The following ARHGEF16 variants were observed in gnomAD, a reference collection of about 807,000 sequenced individuals.
ARHGEF16 encodes the protein Rho guanine nucleotide exchange factor 16, also known as Rho guanine exchange factor (GEF) 16.
Under a neutral mutation model 74.1 loss-of-function variants are expected in ARHGEF16, and 59 were observed. That is an observed-to-expected ratio of 0.80 (90% CI 0.65 to 0.99). The LOEUF (loss-of-function observed/expected upper bound fraction) is 0.99. Among genes scored for constraint, ARHGEF16 ranks in the 50% least tolerant of loss-of-function variants. The probability of loss-of-function intolerance (pLI) is 0.00; values close to 1 mark genes in which losing one functional copy is unlikely to be tolerated. For synonymous variants in ARHGEF16, 415 were observed against 412.6 expected, an observed-to-expected ratio of 1.01 and a Z score of -0.07; for missense variants, 948 against 986.6, an observed-to-expected ratio of 0.96 and a Z score of 0.52.
chr1:3,479,997 A>G (rs1640011892), intron 14 of ARHGEF16, 84 bp downstream of exon 14: 3 of 1,374,712 alleles, frequency 2.2e-6, no homozygotes, highest in Non-Finnish European at 3.1e-6. Flanking sequence ...GGTCCAGAGC[A>G]TGCCGGGCTG....
intron 8 of ARHGEF16, chr1:3,474,437 C>A (rs1024499915): frequency 2.3e-6 from 1 of 443,078 alleles, no homozygotes; most frequent in Non-Finnish European, 4.1e-6. Flanking sequence ...TGACGATTCC[C>A]CAAGTTGGAT....
In ARHGEF16 at chr1:3,479,521, G is replaced by C; in HGVS notation, c.1819G>C (p.Asp607His). The change falls in exon 13 of 15, where the codon GAC becomes CAC. Residue 607 changes from aspartate (D) to histidine (H), a missense_variant. Coordinates refer to ENST00000378378, the MANE Select transcript of ARHGEF16 (RefSeq NM_014448.4). ...CATGCTGTCTCTGGTCCCCAGGAGTGACCGGGCACGGTGGATCGTGGCGCT... is the reference window on the plus strand; with the variant it reads ...CATGCTGTCTCTGGTCCCCAGGAGTCACCGGGCACGGTGGATCGTGGCGCT... Reference protein sequence around the residue: ...QLLLSSDSASDRARWIVALTH... With the variant: ...QLLLSSDSASHRARWIVALTH... 6.2e-7 allele frequency: 1 copy of C among 1,612,590 alleles called. No homozygotes were observed. The highest frequency in any genetic ancestry group is 1.1e-5 in the South Asian group (1 of 91,034).
intron 1 of ARHGEF16, 52 bp from the exon 2 acceptor site, chr1:3,463,014 C>A: frequency 7.6e-7 from 1 of 1,314,372 alleles, no homozygotes; most frequent in Non-Finnish European, 1.0e-6. Flanking sequence ...TGGACACCCG[C>A]GGGGGCAGGG....
At chr1:3,459,316 G>A (rs1053467924) in intron 1 of ARHGEF16, among the ~76,000 whole-genome samples, 1 of 152,218 alleles carries the variant, frequency 6.6e-6, no homozygotes, top group East Asian at 1.9e-4. Context: ...GAAAGAGATC[G>A]GGACATTGGG....
chr1:3,466,389 A>G (rs1639545806), intron 3 of ARHGEF16, among the ~76,000 whole-genome samples, 196 bp downstream of exon 3: 1 of 152,078 alleles, frequency 6.6e-6, no homozygotes, highest in African/African-American at 2.4e-5. Context: ...AGGTCTAGAA[A>G]GTTCCCTTGG....
At chr1:3,462,333 G>C (rs1261209566) in intron 1 of ARHGEF16, among the ~76,000 whole-genome samples, 1 of 152,200 alleles carries the variant, frequency 6.6e-6, no homozygotes, top group African/African-American at 2.4e-5. Flanking sequence ...ATGCAAGCGT[G>C]TTGCCTGGTG....
Position 3,463,321 on chromosome 1 carries a change from G to T in ARHGEF16, c.237G>T (p.Ala79=). 1.3e-6 allele frequency: 2 copies of T among 1,550,202 alleles called. No homozygotes were observed. The highest frequency in any genetic ancestry group is 1.2e-5 in the South Asian group (1 of 84,058). The change falls in exon 2 of 15, where the codon GCG becomes GCT. Residue 79 remains alanine, a synonymous_variant. Coordinates refer to ENST00000378378, the MANE Select transcript of ARHGEF16 (RefSeq NM_014448.4). ...TCGTCCTGAGCACAGAGAGCCCGGC[G>T]GCCCTCAAGCTGGGCACCCAACAGC... ...WPIVLSTESP[A]ALKLGTQQLI...
chr1:3,479,882 G>T lies in ARHGEF16; in HGVS notation c.1959G>T (p.Ala653=). ...KQADEVTLQQ[A]DVVLVLQQED... ...CAGACGAGGTCACACTGCAGCAGGCGGACGTGGTCCTGGTTCTGCAGCAGG... is the reference window on the plus strand; with the variant it reads ...CAGACGAGGTCACACTGCAGCAGGCTGACGTGGTCCTGGTTCTGCAGCAGG... The change falls in exon 14 of 15, where the codon GCG becomes GCT. Residue 653 remains alanine, a synonymous_variant. Coordinates refer to ENST00000378378, the MANE Select transcript of ARHGEF16 (RefSeq NM_014448.4). The T allele has an allele frequency of 6.2e-7, 1 of 1,612,266 alleles. No individual in the cohort carries two copies. The highest frequency in any genetic ancestry group is 1.1e-5 in the South Asian group (1 of 91,070).
chr1:3,467,099 G>A, intron 3 of ARHGEF16, 69 bp from the exon 4 acceptor site: 1 of 1,463,626 alleles, frequency 6.8e-7, no homozygotes. Flanking sequence ...GACTCAGCTG[G>A]CGGGTTGCAG....
chr1:3,473,322 TGCAGGTCC>T, intron 7 of ARHGEF16, 63 bp from the exon 8 acceptor site: 1 of 1,577,886 alleles, frequency 6.3e-7, no homozygotes, highest in Non-Finnish European at 8.6e-7. Context: ...GCCCAGCTTC[TGCAGGTCC>T]TGCCTGATTT....
chr1:3,473,649 T>C (rs769417573), intron 8 of ARHGEF16, 127 bp downstream of exon 8: 6 of 1,449,160 alleles, frequency 4.1e-6, no homozygotes, highest in Non-Finnish European at 5.6e-6. Context: ...GATATTGTAA[T>C]AGTTACGATC....
chr1:3,458,594 AG>A (rs1557685090), intron 1 of ARHGEF16, among the ~76,000 whole-genome samples: 1 of 152,244 alleles, frequency 6.6e-6, no homozygotes, highest in Admixed American at 6.5e-5. Flanking sequence ...ACCTGTGCTC[AG>A]GGTGTGTGCA....
chr1:3,474,468 A>C, intron 8 of ARHGEF16: 1 of 482,542 alleles, frequency 2.1e-6, no homozygotes, highest in Non-Finnish European at 3.8e-6. Flanking sequence ...GAGGATGGGA[A>C]GGGAAGGGTT....
intron 6 of ARHGEF16, 46 bp from the exon 7 acceptor site, chr1:3,473,032 C>T (rs751798381): frequency 9.4e-6 from 15 of 1,592,134 alleles, no homozygotes; most frequent in Middle Eastern, 1.7e-4. Context: ...ACGTGGGGCC[C>T]GACCACCAGG....
At chr1:3,476,829 G>A (rs969783550) in intron 10 of ARHGEF16, among the ~76,000 whole-genome samples, 1 of 152,118 alleles carries the variant, frequency 6.6e-6, no homozygotes, top group Non-Finnish European at 1.5e-5. Context: ...GCTGGGGGAG[G>A]GGGCTCCCGG....
chr1:3,469,331 G>T, intron 5 of ARHGEF16, 102 bp from the exon 6 acceptor site: 2 of 1,398,092 alleles, frequency 1.4e-6, no homozygotes, highest in East Asian at 2.4e-5. Context: ...GTCCCCACCT[G>T]CCCCTGCCAC....
At chr1:3,460,106 C>T (rs879607513) in intron 1 of ARHGEF16, among the ~76,000 whole-genome samples, 4 of 152,182 alleles carry the variant, frequency 2.6e-5, no homozygotes, top group South Asian at 4.1e-4. Context: ...CCACAGCTCC[C>T]GAGAGCCGGC....
At chr1:3,474,899 G>A (rs1394184248) in intron 9 of ARHGEF16, 117 bp downstream of exon 9, 1 of 882,174 alleles carries the variant, frequency 1.1e-6, no homozygotes, top group South Asian at 1.5e-5. Context: ...AGGGCAGCGA[G>A]TGTTCTCAGA....
At chr1:3,476,639 C>T (rs899547153) in intron 10 of ARHGEF16, among the ~76,000 whole-genome samples, 4 of 152,096 alleles carry the variant, frequency 2.6e-5, no homozygotes, top group African/African-American at 4.8e-5. Flanking sequence ...ACACACTGGC[C>T]GCATCCTCTG....
Sources: allele counts gnomAD v4.1 joint callset (sites outside exome capture counted in the v4.1 genomes callset), GRCh38; gene constraint gnomAD v4.1.1; transcripts MANE v1.5; gene names NCBI Gene and HGNC (gene_info 2026-07-23, HGNC 2026-07-21).